The following NCAN variants were observed in gnomAD, a reference collection of about 807,000 sequenced individuals.
NCAN encodes neurocan core protein.
Under a neutral mutation model 121.8 loss-of-function variants are expected in NCAN, and 47 were observed. That is an observed-to-expected ratio of 0.39 (90% CI 0.31 to 0.49). The LOEUF is 0.49. Ranked by LOEUF, NCAN falls within the 20% of genes least tolerant of loss-of-function variation. The pLI, the probability that NCAN is intolerant of heterozygous loss-of-function variation, is 0.92. For synonymous variants in NCAN, 633 were observed against 702.0 expected, an observed-to-expected ratio of 0.90 and a Z score of 1.55; for missense variants, 1,517 against 1,773.4, an observed-to-expected ratio of 0.86 and a Z score of 2.60.
At position 19,227,666 on chromosome 19, in the gene NCAN, C is replaced by T. The variant is rs756074366; in HGVS notation, c.2046C>T (p.Leu682=). ...AAETKVYSLP[L]SLTPTGQGGE... Reference sequence around the variant, plus strand: ...AGACCAAGGTGTATTCCCTGCCTCTCTCTTTGACCCCAACAGGACAGGGTG... The same window carrying T: ...AGACCAAGGTGTATTCCCTGCCTCTTTCTTTGACCCCAACAGGACAGGGTG... The change falls in exon 8 of 15, where the codon CTC becomes CTT. Residue 682 remains leucine, a synonymous_variant. Transcript: ENST00000252575. This position sits in a 1 kb window ranked among gnomAD's most constrained non-coding sequence, Gnocchi z 4.2. 1 of 1,614,094 alleles carries T rather than the reference C, an allele frequency of 6.2e-7. No individual in the cohort carries two copies. Among genetic ancestry groups the T allele is most frequent in the Non-Finnish European group, 8.5e-7 (1 of 1,180,038 alleles).
rs1599819968 is a variant in NCAN, at chr19:19,238,200, G to T, written c.3251-53G>T. On this transcript the variant is annotated intron_variant, in intron 10 of 14. Transcript: ENST00000252575. ...GGTGGGCTGGCTGTGCTCATGGCTG[G>T]TAGGCCTTGGGCCAAGGCCAGCCCC... 12 of 1,609,688 alleles carry T rather than the reference G, an allele frequency of 7.5e-6. No homozygotes were observed. The East Asian group carries it at 2.7e-4, about 36-fold the overall frequency.
At position 19,248,784 on chromosome 19, in the gene NCAN, G is replaced by A; in HGVS notation, c.3722G>A (p.Arg1241Lys). The A allele has an allele frequency of 6.2e-7, 1 of 1,614,192 alleles. No individual in the cohort carries two copies. The highest frequency in any genetic ancestry group is 8.5e-7 in the Non-Finnish European group (1 of 1,180,028). The change falls in exon 14 of 15, where the codon AGG (arginine) becomes AAG (lysine). Residue 1241 changes from arginine (R) to lysine (K), a missense_variant. Arg to Lys is a conservative substitution (Grantham distance 26). Transcript: ENST00000252575. Reference sequence around the variant, plus strand: ...AAGTACAATGTCCATGCCACTGTAAGGTACCAGTGCAATGAAGGATTTGCC... The same window carrying A: ...AAGTACAATGTCCATGCCACTGTAAAGTACCAGTGCAATGAAGGATTTGCC... ...KAKYNVHATV[R>K]YQCNEGFAQH...
chr19:19,225,126 G>GCCGACGGCAGCGTGCGCTAC lies in NCAN; in HGVS notation c.933_952dup (p.Ile318ThrfsTer58). The GCCGACGGCAGCGTGCGCTAC allele has an allele frequency of 6.5e-7, 1 of 1,530,428 alleles. No homozygotes were observed. The highest frequency in any genetic ancestry group is 8.7e-7 in the Non-Finnish European group (1 of 1,147,660). 94.8% of individuals were successfully genotyped at this position (1,530,428 alleles called of 1,614,324 possible). A position where few individuals can be genotyped will look rare whatever the true frequency, so the allele number is the denominator to read the frequency against. The stretch of plus-strand genomic sequence containing the variant: ...GGACCAGTGCGACCCGGGCTGGCTG[G>GCCGACGGCAGCGTGCGCTAC]CCGACGGCAGCGTGCGCTACCCGAT... On this transcript the variant is annotated frameshift_variant, in exon 6 of 15. Transcript: ENST00000252575. LOFTEE classifies it high-confidence loss of function. This position sits in a 1 kb window ranked among gnomAD's most constrained non-coding sequence, Gnocchi z 4.0.
rs748904957 is a variant in NCAN, at chr19:19,228,625, C to T, written c.3005C>T (p.Ala1002Val). ...EPALPGTPMN[A>V]GAEEVHSDPC... ...GCCCTGCCAGGGACCCCTATGAATGCAGGTGCGGAGGAGGGTGAGTACAAA... is the reference window on the plus strand; with the variant it reads ...GCCCTGCCAGGGACCCCTATGAATGTAGGTGCGGAGGAGGGTGAGTACAAA... The change falls in exon 8 of 15, where the codon GCA becomes GTA. Residue 1002 changes from alanine (A) to valine (V), a missense_variant. Transcript: ENST00000252575. The T allele has an allele frequency of 1.9e-6, 3 of 1,610,450 alleles. No individual in the cohort carries two copies. Among genetic ancestry groups the T allele is most frequent in the South Asian group, 2.2e-5 (2 of 90,938 alleles).
intron 13 of NCAN, among the ~76,000 whole-genome samples, 169 bp from the exon 14 acceptor site, chr19:19,248,531 A>G (rs1338213648): frequency 6.6e-6 from 1 of 152,096 alleles, no homozygotes; most frequent in African/African-American, 2.4e-5. Context: ...AGGCTGAGGC[A>G]GGAGAATCGC....
In NCAN at chr19:19,232,228, A is replaced by T. The variant is rs571004303; in HGVS notation, c.3020-1561A>T. Among the ~76,000 whole-genome samples the T allele has an allele frequency of 2.6e-5, 4 of 152,316 alleles. No homozygotes were observed. The East Asian group carries it at 7.7e-4, about 29-fold the overall frequency. ...TGGGCTCCACAATGAAGCCAACCAC[A>T]GCAGGATGGAGATTGGCGGGCAGTG... On this transcript the variant is annotated intron_variant, in intron 8 of 14. Coordinates refer to ENST00000252575, the MANE Select transcript of NCAN (RefSeq NM_004386.3).
chr19:19,229,376 G>C (rs1470180301), intron 8 of NCAN, among the ~76,000 whole-genome samples: 1 of 152,210 alleles, frequency 6.6e-6, no homozygotes, highest in Non-Finnish European at 1.5e-5. Context: ...GCAGGACACA[G>C]ACGCCTCCCA....
intron 5 of NCAN, 139 bp downstream of exon 5, chr19:19,224,572 C>T: frequency 8.4e-7 from 1 of 1,186,938 alleles, no homozygotes; most frequent in Non-Finnish European, 1.2e-6. Flanking sequence ...GACATGATTC[C>T]ACTCATTTTC....
intron 11 of NCAN, 117 bp from the exon 12 acceptor site, chr19:19,240,486 C>A: frequency 1.1e-6 from 1 of 919,010 alleles, no homozygotes. Context: ...CACCTCCAGG[C>A]TGGGGAAGGT....
At chr19:19,238,180 G>T in intron 10 of NCAN, 73 bp from the exon 11 acceptor site, 2 of 1,594,666 alleles carry the variant, frequency 1.3e-6, no homozygotes, top group Non-Finnish European at 8.6e-7. Context: ...TCTCTGGTGG[G>T]CTGGCTGTGC....
At chr19:19,235,175 A>G in intron 10 of NCAN, 79 bp downstream of exon 10, 1 of 812,752 alleles carries the variant, frequency 1.2e-6, no homozygotes, top group East Asian at 2.5e-5. Context: ...CACATACTCC[A>G]GGTCCCTGCC....
chr19:19,227,044 T>C lies in NCAN; in HGVS notation c.1631T>C (p.Leu544Pro), dbSNP rs903281923. Residue 544 changes from leucine (L) to proline (P), a missense_variant, in exon 7 of 15, where the codon CTG becomes CCG. By Grantham distance (98) the Leu-to-Pro change is moderately conservative. Transcript: ENST00000252575. The surrounding 1 kb of genome is among the most constrained non-coding windows in gnomAD (Gnocchi z 4.2). ...CAGAGCCGGAGCCCCTGGGCTGATC[T>C]GACCAATGAGGTGGATATGCCTGGA... ...SGQSRSPWAD[L>P]TNEVDMPGAG... is the part of the protein sequence containing the mutation. 1.3e-6 allele frequency: 2 copies of C among 1,513,448 alleles called. No individual in the cohort carries two copies. Among genetic ancestry groups the C allele is most frequent in the African/African-American group, 2.8e-5 (2 of 71,590 alleles). 93.8% of individuals were successfully genotyped at this position (1,513,448 alleles called of 1,614,324 possible).
At chr19:19,238,974 T>G (rs1416230271) in intron 11 of NCAN, among the ~76,000 whole-genome samples, 1 of 152,156 alleles carries the variant, frequency 6.6e-6, no homozygotes, top group Non-Finnish European at 1.5e-5. Flanking sequence ...ATTCTGTTTA[T>G]TCCGTTTGCC....
At position 19,246,706 on chromosome 19, in the gene NCAN, T is replaced by C. The variant is rs147246038; in HGVS notation, c.3637+1249T>C. On this transcript the variant is annotated intron_variant, in intron 13 of 14. Coordinates refer to ENST00000252575, the MANE Select transcript of NCAN (RefSeq NM_004386.3). ...ACACCACACCTGGCTAATTTTTTTT[T>C]TGTTTTTGTATTTTTAGTGGAGACG... Among the ~76,000 whole-genome samples the C allele has an allele frequency of 7.2e-3, 1,094 of 151,938 alleles. 12 individuals are homozygous for C. The highest frequency in any genetic ancestry group is 0.025 in the African/African-American group (1,029 of 41,446).
intron 9 of NCAN, among the ~76,000 whole-genome samples, chr19:19,234,445 C>G (rs147821880): frequency 6.6e-6 from 1 of 152,300 alleles, no homozygotes; most frequent in East Asian, 1.9e-4. Flanking sequence ...TCTATTGCTT[C>G]CCTACTCACA....
chr19:19,237,221 TA>T (rs909699518), intron 10 of NCAN, among the ~76,000 whole-genome samples: 14 of 151,466 alleles, frequency 9.2e-5, no homozygotes, highest in East Asian at 3.9e-4. Context: ...CTTTTCCTTT[TA>T]AAAAAAAATT....
intron 9 of NCAN, among the ~76,000 whole-genome samples, chr19:19,234,344 A>C (rs1253549277): frequency 2.0e-5 from 3 of 152,174 alleles, no homozygotes; most frequent in Non-Finnish European, 4.4e-5. Flanking sequence ...TTTGAGCTCT[A>C]TGTGTCATCT....
In NCAN at chr19:19,218,983, C is replaced by A; in HGVS notation, c.142C>A (p.Gln48Lys). ...HMQKLGSGSV[Q>K]AALAELVALP... ...GCAGAAGCTGGGGTCTGGGTCAGTG[C>A]AGGCTGCGCTGGCGGAGCTGGTGGC... The change falls in exon 3 of 15, where the codon CAG becomes AAG. Residue 48 changes from glutamine (Q) to lysine (K), a missense_variant. Transcript: ENST00000252575. 1.9e-6 allele frequency: 3 copies of A among 1,582,542 alleles called. No individual in the cohort carries two copies. The highest frequency in any genetic ancestry group is 1.2e-5 in the South Asian group (1 of 85,756).
At position 19,227,864 on chromosome 19, in the gene NCAN, G is replaced by A. The variant is rs749493759; in HGVS notation, c.2244G>A (p.Thr748=). 18 of 1,613,702 alleles carry A rather than the reference G, an allele frequency of 1.1e-5. No homozygotes were observed. Among genetic ancestry groups the A allele is most frequent in the South Asian group, 2.2e-5 (2 of 91,082 alleles). Residue 748 remains threonine (T), a synonymous_variant, in exon 8 of 15, where the codon ACG becomes ACA. Transcript: ENST00000252575. This position sits in a 1 kb window ranked among gnomAD's most constrained non-coding sequence, Gnocchi z 4.2. ...CCACTGAGACTGCCACTGAGCCAAC[G>A]GGCCTCAGGGGTATCCCGGGGTCTG... ...FVPTETATEP[T]GLRGIPGSES... is the part of the protein sequence containing the mutation.
Sources: gnomAD v4.1 joint callset for allele counts (sites outside exome capture counted in the v4.1 genomes callset) on GRCh38, gnomAD v4.1.1 for gene constraint, Gnocchi (gnomAD v3.1) non-coding constraint, MANE v1.5 for transcripts, NCBI Gene and HGNC (gene_info 2026-07-23, HGNC 2026-07-21) for gene names.